LIPI: variants seen among roughly 807,000 people sequenced by gnomAD.
LIPI encodes the protein lipase member I.
In LIPI, 59 loss-of-function variants were observed where a neutral mutation model predicts 50.6. The ratio of observed to expected loss-of-function variants is 1.16; its 90% CI spans 0.94 to 1.45. The LOEUF is 1.45. Ranked by LOEUF, LIPI falls within the 40% of genes most tolerant of loss-of-function variation. LIPI has a pLI of 0.00. For synonymous variants in LIPI, 203 were observed against 178.2 expected, an observed-to-expected ratio of 1.14 and a Z score of -1.11; for missense variants, 586 against 536.3, an observed-to-expected ratio of 1.09 and a Z score of -0.92.
intron 9 of LIPI, among the ~76,000 whole-genome samples, chr21:14,137,539 C>T (rs1253715903): frequency 1.3e-5 from 2 of 151,590 alleles, no homozygotes; most frequent in African/African-American, 4.9e-5. Flanking sequence ...AAAATACAGT[C>T]AGAAGAGAAA....
chr21:14,135,601 A>C (rs374438188), intron 9 of LIPI, among the ~76,000 whole-genome samples: 12 of 152,304 alleles, frequency 7.9e-5, no homozygotes, highest in African/African-American at 2.9e-4. Context: ...CCACGGAGGG[A>C]GTATTTAAAC....
intron 9 of LIPI, among the ~76,000 whole-genome samples, chr21:14,116,112 G>C (rs2016625339): frequency 6.6e-6 from 1 of 152,066 alleles, no homozygotes; most frequent in African/African-American, 2.4e-5. Flanking sequence ...GTGTATGTGT[G>C]TGAATGTGGG....
chr21:14,162,759 A>AT (rs2018539646), intron 7 of LIPI, among the ~76,000 whole-genome samples: 2 of 151,904 alleles, frequency 1.3e-5, no homozygotes, highest in East Asian at 3.8e-4. Flanking sequence ...GACCTAAAAT[A>AT]TTTTATGAGA....
chr21:14,114,460 T>C (rs2016544689), intron 9 of LIPI, among the ~76,000 whole-genome samples: 1 of 152,066 alleles, frequency 6.6e-6, no homozygotes, highest in Non-Finnish European at 1.5e-5. Flanking sequence ...GAAAAACCTG[T>C]CCTACAGGCC....
intron 7 of LIPI, among the ~76,000 whole-genome samples, chr21:14,162,418 A>G (rs929077354): frequency 6.6e-6 from 1 of 151,708 alleles, no homozygotes; most frequent in East Asian, 1.9e-4. Context: ...AAATATGACT[A>G]TTTTGTATGG....
chr21:14,179,057 A>G (rs1448074066), intron 4 of LIPI, among the ~76,000 whole-genome samples: 1 of 152,156 alleles, frequency 6.6e-6, no homozygotes, highest in Non-Finnish European at 1.5e-5. Context: ...GACAAGAATA[A>G]CAGATGAGAT....
At chr21:14,112,398 T>C (rs1568826930) in intron 9 of LIPI, among the ~76,000 whole-genome samples, 1 of 152,086 alleles carries the variant, frequency 6.6e-6, no homozygotes, top group African/African-American at 2.4e-5. Context: ...TTGATAGAGA[T>C]TTCATTAAAT....
intron 4 of LIPI, among the ~76,000 whole-genome samples, chr21:14,172,181 C>T (rs1310507547): frequency 6.6e-6 from 1 of 150,826 alleles, no homozygotes; most frequent in African/African-American, 2.4e-5. Flanking sequence ...CATCTCACAC[C>T]AGTTAGAATG....
chr21:14,210,211 C>T (rs2020327899), intron 1 of LIPI, among the ~76,000 whole-genome samples: 2 of 151,942 alleles, frequency 1.3e-5, no homozygotes, highest in Admixed American at 6.6e-5. Context: ...AGTAATTCTA[C>T]TTTCTCATAA....
intron 8 of LIPI, among the ~76,000 whole-genome samples, chr21:14,151,476 G>A (rs75946642): frequency 0.01 from 1,528 of 152,236 alleles, 28 homozygotes; most frequent in African/African-American, 0.035. Flanking sequence ...AAACCCTAAT[G>A]TGTTCAATAA....
At chr21:14,176,354 C>G (rs1416025956) in intron 4 of LIPI, among the ~76,000 whole-genome samples, 2 of 151,570 alleles carry the variant, frequency 1.3e-5, no homozygotes, top group African/African-American at 4.8e-5. Context: ...CTGTGTGTTT[C>G]TATCGTTTAA....
At chr21:14,156,877 G>A (rs1056515490) in intron 7 of LIPI, among the ~76,000 whole-genome samples, 14 of 151,800 alleles carry the variant, frequency 9.2e-5, no homozygotes, top group African/African-American at 3.1e-4. Flanking sequence ...GGCTGTTGGT[G>A]AGAAATATGG....
chr21:14,150,658 T>C (rs564585511), intron 8 of LIPI, among the ~76,000 whole-genome samples: 1 of 152,310 alleles, frequency 6.6e-6, no homozygotes, highest in African/African-American at 2.4e-5. Flanking sequence ...TGAATGTGTA[T>C]GTATATACAT....
intron 9 of LIPI, among the ~76,000 whole-genome samples, chr21:14,142,581 C>T (rs759422656): frequency 1.3e-5 from 2 of 151,218 alleles, no homozygotes; most frequent in African/African-American, 4.8e-5. Flanking sequence ...CCTCCAGGCT[C>T]AAGTGATTTT....
intron 1 of LIPI, among the ~76,000 whole-genome samples, chr21:14,200,163 G>A (rs2020002466): frequency 6.6e-6 from 1 of 151,952 alleles, no homozygotes; most frequent in Non-Finnish European, 1.5e-5. Flanking sequence ...ATGTGTAAAA[G>A]CTGAAAGCAT....
In LIPI at chr21:14,174,884, C is replaced by G. The variant is rs150555128; in HGVS notation, c.643+6874G>C. Reference sequence around the variant, plus strand: ...ATTCTTTATCTTCTAAGGATGACTCCCAAAACCCTATAGTTTAGATTTCAC... The same window carrying G: ...ATTCTTTATCTTCTAAGGATGACTCGCAAAACCCTATAGTTTAGATTTCAC... On this transcript the variant is annotated intron_variant, in intron 4 of 9. Coordinates refer to ENST00000681601, the MANE Select transcript of LIPI (RefSeq NM_001302998.2). Among the ~76,000 whole-genome samples, 281 of 152,240 alleles carry G rather than the reference C, an allele frequency of 1.8e-3. 1 individual carries two copies. Among genetic ancestry groups the G allele is most frequent in the Non-Finnish European group, 3.0e-3 (201 of 68,024 alleles).
intron 9 of LIPI, 119 bp from the exon 10 acceptor site, chr21:14,109,199 T>C: frequency 2.6e-6 from 2 of 776,104 alleles, no homozygotes; most frequent in Non-Finnish European, 4.4e-6. Context: ...GTTCTCTAAA[T>C]GTAGGGAGTT....
At chr21:14,137,408 C>G (rs2017539515) in intron 9 of LIPI, among the ~76,000 whole-genome samples, 2 of 152,054 alleles carry the variant, frequency 1.3e-5, no homozygotes, top group East Asian at 1.9e-4. Flanking sequence ...TAAAAAGAAT[C>G]AAGCAGAAAC....
At chr21:14,175,039 A>T (rs545138182) in intron 4 of LIPI, among the ~76,000 whole-genome samples, 1 of 152,220 alleles carries the variant, frequency 6.6e-6, no homozygotes, top group Non-Finnish European at 1.5e-5. Context: ...ATTGTCATAT[A>T]GTATTTCATT....
Sources: gnomAD v4.1 joint callset for allele counts (sites outside exome capture counted in the v4.1 genomes callset) on GRCh38, gnomAD v4.1.1 for gene constraint, MANE v1.5 for transcripts, NCBI Gene and HGNC (gene_info 2026-07-23, HGNC 2026-07-21) for gene names.